Variants in FASTKD1 observed in about 807,000 individuals in gnomAD.
The protein encoded by FASTKD1 is FAST kinase domain-containing protein 1, mitochondrial.
Under a neutral mutation model 90.9 loss-of-function variants are expected in FASTKD1, and 94 were observed. The observed-to-expected ratio is 1.03, with a 90% confidence interval of 0.88 to 1.23. The LOEUF is 1.23. Ranked by LOEUF, FASTKD1 falls within the 50% of genes most tolerant of loss-of-function variation. The pLI, the probability that FASTKD1 is intolerant of heterozygous loss-of-function variation, is 0.00. For synonymous variants in FASTKD1, 319 were observed against 345.8 expected (o/e 0.92, Z 0.86); for missense variants, 945 against 993.5 (o/e 0.95, Z 0.66).
Position 169,566,439 on chromosome 2 carries a change from AG to A in FASTKD1, c.446+2744del, listed in dbSNP as rs558130995. Among the ~76,000 whole-genome samples, 1,216 of 152,324 alleles carry A rather than the reference AG, an allele frequency of 8.0e-3. 31 individuals carry two copies. Among genetic ancestry groups the A allele is most frequent in the African/African-American group, 0.028 (1,162 of 41,576 alleles). On this transcript the variant is annotated intron_variant, in intron 3 of 14. Transcript: ENST00000453153. ...GTAAATGTTAAAAATATTCTATAAT[AG>A]AAAGTTTTTTAAAAAAAATTTGGAT...
chr2:169,548,167 T>C (rs1685301649), intron 7 of FASTKD1, among the ~76,000 whole-genome samples: 1 of 152,016 alleles, frequency 6.6e-6, no homozygotes. Flanking sequence ...AAAAGGTCCA[T>C]GTCAGAACAA....
intron 5 of FASTKD1, among the ~76,000 whole-genome samples, chr2:169,557,967 T>A (rs1017257412): frequency 6.6e-6 from 1 of 152,180 alleles, no homozygotes; most frequent in Non-Finnish European, 1.5e-5. Flanking sequence ...TCCACCAACC[T>A]TTTCAAAGGT....
intron 3 of FASTKD1, among the ~76,000 whole-genome samples, chr2:169,567,821 T>C (rs1049008484): frequency 6.6e-6 from 1 of 152,166 alleles, no homozygotes; most frequent in African/African-American, 2.4e-5. Flanking sequence ...CTCACCCTGA[T>C]TTTTTTCTTT....
At position 169,540,060 on chromosome 2, in the gene FASTKD1, G is replaced by C; in HGVS notation, c.1936C>G (p.Gln646Glu). 6.3e-7 allele frequency: 1 copy of C among 1,578,718 alleles called. No individual in the cohort carries two copies. The highest frequency in any genetic ancestry group is 1.2e-5 in the South Asian group (1 of 86,006). ...NIKFLARLDS[Q>E]LEILSPSRSA... Reference sequence around the variant, plus strand: ...AAAGATAGATACATACTTTCAAGTTGAGAATCCAATCTAGCTAAGAATTTG... The same window carrying C: ...AAAGATAGATACATACTTTCAAGTTCAGAATCCAATCTAGCTAAGAATTTG... The change falls in exon 10 of 15, where the codon CAA becomes GAA. Residue 646 changes from glutamine (Q) to glutamate (E), a missense_variant. Coordinates refer to ENST00000453153, the MANE Select transcript of FASTKD1 (RefSeq NM_024622.6).
chr2:169,572,641 G>T (rs909096555), intron 1 of FASTKD1, among the ~76,000 whole-genome samples: 1 of 151,194 alleles, frequency 6.6e-6, no homozygotes, highest in East Asian at 1.9e-4. Flanking sequence ...CCCTTAAAGA[G>T]CTCAAATAAT....
At chr2:169,543,398 G>C (rs951609571) in intron 9 of FASTKD1, among the ~76,000 whole-genome samples, 1 of 152,136 alleles carries the variant, frequency 6.6e-6, no homozygotes, top group South Asian at 2.1e-4. Context: ...GGGAGGCGGA[G>C]GTTGCAGTGA....
intron 9 of FASTKD1, among the ~76,000 whole-genome samples, chr2:169,542,875 A>G (rs1353496278): frequency 6.6e-6 from 1 of 152,194 alleles, no homozygotes; most frequent in East Asian, 1.9e-4. Flanking sequence ...CAAAATCTAA[A>G]TAGACAGAAA....
chr2:169,569,626 G>A (rs112523043), intron 2 of FASTKD1, among the ~76,000 whole-genome samples: 16,692 of 152,140 alleles, frequency 0.11, 1,168 homozygotes, highest in East Asian at 0.33. Flanking sequence ...TGAGGCGGGC[G>A]GATCACTTAA....
intron 7 of FASTKD1, among the ~76,000 whole-genome samples, chr2:169,551,202 A>G (rs910233847): frequency 6.6e-6 from 1 of 152,194 alleles, no homozygotes; most frequent in Non-Finnish European, 1.5e-5. Flanking sequence ...AGGGATTGGT[A>G]AAACCACTTT....
At chr2:169,537,873 T>G (rs1684791390) in intron 11 of FASTKD1, 140 bp downstream of exon 11, 2 of 636,898 alleles carry the variant, frequency 3.1e-6, no homozygotes, top group Admixed American at 6.8e-5. Context: ...ACCTACAATA[T>G]CTCATATAAA....
At chr2:169,567,126 A>AC (rs1233116916) in intron 3 of FASTKD1, among the ~76,000 whole-genome samples, 1 of 152,154 alleles carries the variant, frequency 6.6e-6, no homozygotes, top group African/African-American at 2.4e-5. Context: ...AAAAAAAAAA[A>AC]ACATAAGTTT....
Position 169,560,474 on chromosome 2 carries a change from T to G in FASTKD1, c.884A>C (p.Glu295Ala). 6.2e-7 allele frequency: 1 copy of G among 1,601,690 alleles called. No individual in the cohort carries two copies. ...AGGATGATTACACAGAGGAATCATT[T>G]CAGTTAGCTTCTTTTTAGCCATTAT... ...FIIMAKKKLT[E>A]MIPLCNHPAS... Residue 295 changes from glutamate (E) to alanine (A), a missense_variant, in exon 5 of 15, where the codon GAA (glutamate) becomes GCA (alanine). Physicochemically the swap from Glu to Ala is moderately radical, Grantham distance 107 (BLOSUM62 -1). Coordinates refer to ENST00000453153, the MANE Select transcript of FASTKD1 (RefSeq NM_024622.6).
At position 169,529,893 on chromosome 2, in the gene FASTKD1, A is replaced by C. The variant is rs746533479; in HGVS notation, c.2476T>G (p.Ser826Ala). Residue 826 changes from serine (S) to alanine (A), a missense_variant, in exon 15 of 15, where the codon TCA becomes GCA. By Grantham distance (99) the Ser-to-Ala change is moderately conservative. Transcript: ENST00000453153. The part of the protein sequence containing the change: ...SQFEWNSMAL[S>A]TKDARMDYLR... ...TAGTCCATCCGAGCATCCTTTGTTG[A>C]CAGTGCCATAGAGTTCCATTCAAAC... is the stretch of plus-strand genomic sequence containing the variant. 1 of 1,613,600 alleles carries C rather than the reference A, an allele frequency of 6.2e-7. No homozygotes were observed. Among genetic ancestry groups the C allele is most frequent in the Non-Finnish European group, 8.5e-7 (1 of 1,179,680 alleles).
intron 5 of FASTKD1, among the ~76,000 whole-genome samples, chr2:169,558,752 T>C (rs1220926208): frequency 6.8e-6 from 1 of 148,038 alleles, no homozygotes; most frequent in Non-Finnish European, 1.5e-5. Flanking sequence ...CACCCGGCCC[T>C]TTTTTTTTGT....
intron 7 of FASTKD1, among the ~76,000 whole-genome samples, chr2:169,551,885 T>C (rs1483026166): frequency 6.6e-6 from 1 of 152,176 alleles, no homozygotes; most frequent in Non-Finnish European, 1.5e-5. Flanking sequence ...TAGTTAATCT[T>C]GGAGGTGAGG....
chr2:169,564,787 T>C lies in FASTKD1; in HGVS notation c.447-1437A>G, dbSNP rs141591248. The stretch of plus-strand genomic sequence containing the variant: ...ACGTCCATTAGTTCAATTGTTTTGA[T>C]TTTTAGCTCCCACAAATGAGTGAAA... On this transcript the variant is annotated intron_variant, in intron 3 of 14. Coordinates refer to ENST00000453153, the MANE Select transcript of FASTKD1 (RefSeq NM_024622.6). Among the ~76,000 whole-genome samples, 259 of 152,206 alleles carry C rather than the reference T, an allele frequency of 1.7e-3. 2 individuals are homozygous for C. Among genetic ancestry groups the C allele is most frequent in the African/African-American group, 6.1e-3 (252 of 41,534 alleles).
In FASTKD1 at chr2:169,556,332, A is replaced by G. The variant is rs115938529; in HGVS notation, c.1082+855T>C. ...GTGCCTGTAGTCCCAGGTACTCAGGAGGCTGAGATGAGAGGATCAATTGAG... is the reference window on the plus strand; with the variant it reads ...GTGCCTGTAGTCCCAGGTACTCAGGGGGCTGAGATGAGAGGATCAATTGAG... On this transcript the variant is annotated intron_variant, in intron 6 of 14. Transcript: ENST00000453153. 4.2e-3 allele frequency among the ~76,000 whole-genome samples: 634 copies of G among 150,404 alleles called. 4 individuals are homozygous for G. The highest frequency in any genetic ancestry group is 0.014 in the African/African-American group (596 of 41,154).
chr2:169,530,562 G>T, intron 14 of FASTKD1, 25 bp downstream of exon 14: 1 of 1,356,442 alleles, frequency 7.4e-7, no homozygotes, highest in Non-Finnish European at 1.0e-6. Flanking sequence ...CTTTTTAGAG[G>T]CTGAATTACA....
Position 169,557,185 on chromosome 2 carries a change from A to T in FASTKD1, c.1082+2T>A. 6.3e-7 allele frequency: 1 copy of T among 1,577,522 alleles called. No individual in the cohort carries two copies. The highest frequency in any genetic ancestry group is 8.7e-7 in the Non-Finnish European group (1 of 1,148,038). The stretch of plus-strand genomic sequence containing the variant: ...TAACGTCGTAAATTTCAGAAAAGAT[A>T]CCTTTTAATCAGACATGAGTTTCTG... On this transcript the variant is annotated splice_donor_variant, in intron 6 of 14. Coordinates refer to ENST00000453153, the MANE Select transcript of FASTKD1 (RefSeq NM_024622.6). LOFTEE classifies it high-confidence loss of function.
Sources: gnomAD v4.1 joint callset for allele counts (sites outside exome capture counted in the v4.1 genomes callset) on GRCh38, gnomAD v4.1.1 for gene constraint, MANE v1.5 for transcripts, NCBI Gene and HGNC (gene_info 2026-07-23, HGNC 2026-07-21) for gene names.